The following TYW1B variants were observed in gnomAD, a reference collection of about 807,000 sequenced individuals.
The protein encoded by TYW1B is S-adenosyl-L-methionine-dependent tRNA 4-demethylwyosine synthase TYW1B.
A neutral mutation model predicts 86.9 loss-of-function variants in TYW1B; 73 were observed. The ratio of observed to expected loss-of-function variants is 0.84; its 90% CI spans 0.70 to 1.02. The LOEUF (loss-of-function observed/expected upper bound fraction) is 1.02, where lower values mean the gene tolerates loss of function less well. TYW1B is among the 50% of genes least tolerant of loss of function. The probability of loss-of-function intolerance (pLI) is 0.00; values close to 1 mark genes in which losing one functional copy is unlikely to be tolerated. For missense variants in TYW1B, 637 were observed against 827.4 expected, an observed-to-expected ratio of 0.77 and a Z score of 2.82; for synonymous variants, 248 against 292.8, an observed-to-expected ratio of 0.85 and a Z score of 1.56.
intron 13 of TYW1B, among the ~76,000 whole-genome samples, chr7:72,585,619 G>A (rs1282484974): frequency 6.6e-6 from 1 of 152,110 alleles, no homozygotes; most frequent in South Asian, 2.1e-4. Context: ...GGCCTTTCCT[G>A]TGCTATTCTG....
intron 6 of TYW1B, among the ~76,000 whole-genome samples, chr7:72,801,907 A>G (rs1310615291): frequency 6.6e-6 from 1 of 152,172 alleles, no homozygotes; most frequent in Non-Finnish European, 1.5e-5. Context: ...AATAAATCCT[A>G]TCATGCTGTT....
intron 7 of TYW1B, among the ~76,000 whole-genome samples, chr7:72,776,601 G>A (rs1326263663): frequency 7.9e-5 from 11 of 139,274 alleles, no homozygotes; most frequent in Non-Finnish European, 6.2e-5. Context: ...TAAAACCTTG[G>A]GCAACTATTA....
chr7:72,692,749 C>G (rs1316063891), intron 11 of TYW1B, among the ~76,000 whole-genome samples: 2 of 152,022 alleles, frequency 1.3e-5, no homozygotes, highest in African/African-American at 4.8e-5. Flanking sequence ...AGGAGGTGCA[C>G]AGAATTTCTA....
At chr7:72,669,278 C>A (rs1813538789) in intron 11 of TYW1B, among the ~76,000 whole-genome samples, 1 of 150,838 alleles carries the variant, frequency 6.6e-6, no homozygotes, top group African/African-American at 2.4e-5. Flanking sequence ...CCAAGTAGCT[C>A]AGATCACAGG....
At chr7:72,593,112 G>C (rs1158629008) in intron 13 of TYW1B, among the ~76,000 whole-genome samples, 1 of 151,914 alleles carries the variant, frequency 6.6e-6, no homozygotes, top group Non-Finnish European at 1.5e-5. Flanking sequence ...AGACCAGCCT[G>C]ACCAACCCCA....
At chr7:72,687,215 T>C (rs1328365395) in intron 11 of TYW1B, among the ~76,000 whole-genome samples, 1 of 152,004 alleles carries the variant, frequency 6.6e-6, no homozygotes, top group Non-Finnish European at 1.5e-5. Context: ...ATGGGTGGAT[T>C]ACTTGAAATC....
chr7:72,741,359 G>A (rs563665671), intron 8 of TYW1B, among the ~76,000 whole-genome samples: 1 of 152,162 alleles, frequency 6.6e-6, no homozygotes, highest in Middle Eastern at 3.4e-3. Context: ...TTCAACAGAA[G>A]ATTTGAACAG....
intron 6 of TYW1B, among the ~76,000 whole-genome samples, chr7:72,791,807 C>T (rs1486979292): frequency 1.3e-5 from 2 of 152,022 alleles, no homozygotes; most frequent in African/African-American, 4.8e-5. Context: ...AATGGAACTT[C>T]CCAGGCATTG....
At chr7:72,643,558 G>A (rs1554441722) in intron 11 of TYW1B, among the ~76,000 whole-genome samples, 1 of 151,646 alleles carries the variant, frequency 6.6e-6, no homozygotes, top group East Asian at 1.9e-4. Flanking sequence ...CTGCACTCCA[G>A]CCTGGGCAAC....
At chr7:72,741,223 G>T (rs542373928) in intron 8 of TYW1B, among the ~76,000 whole-genome samples, 1 of 152,078 alleles carries the variant, frequency 6.6e-6, no homozygotes, top group African/African-American at 2.4e-5. Context: ...ACAAAGAGAT[G>T]AAGGAAACCA....
At chr7:72,641,011 T>C (rs1230081509) in intron 11 of TYW1B, among the ~76,000 whole-genome samples, 1 of 152,114 alleles carries the variant, frequency 6.6e-6, no homozygotes, top group South Asian at 2.1e-4. Context: ...ATCAACTAAA[T>C]GGACCCTTAG....
chr7:72,703,590 C>T (rs1206768675), intron 10 of TYW1B, among the ~76,000 whole-genome samples: 1 of 151,944 alleles, frequency 6.6e-6, no homozygotes, highest in Non-Finnish European at 1.5e-5. Context: ...CGCGGTGGCT[C>T]ATGCCTGTAA....
chr7:72,823,888 C>A (rs1415774764), intron 2 of TYW1B, among the ~76,000 whole-genome samples: 1 of 152,122 alleles, frequency 6.6e-6, no homozygotes, highest in East Asian at 1.9e-4. Flanking sequence ...CTGGAGAGTA[C>A]ATTTCATTAT....
At chr7:72,768,271 C>T (rs1585969218) in intron 7 of TYW1B, among the ~76,000 whole-genome samples, 1 of 151,868 alleles carries the variant, frequency 6.6e-6, no homozygotes, top group South Asian at 2.1e-4. Context: ...AAAATGGCTT[C>T]TTCCATACAG....
intron 12 of TYW1B, among the ~76,000 whole-genome samples, chr7:72,627,455 AGTAACATAACATAACATAAC>A (rs1812373910): frequency 1.3e-5 from 1 of 74,312 alleles, no homozygotes. Context: ...CTCAAAAAAC[AGTAACATAACATAACATAAC>A]ATAACATAAC....
At chr7:72,730,743 G>C (rs1467341746) in intron 8 of TYW1B, among the ~76,000 whole-genome samples, 1 of 151,680 alleles carries the variant, frequency 6.6e-6, no homozygotes, top group African/African-American at 2.4e-5. Flanking sequence ...AAGCCTACAG[G>C]AATGATGGGA....
At chr7:72,720,152 A>G (rs536935740) in intron 9 of TYW1B, among the ~76,000 whole-genome samples, 1 of 152,284 alleles carries the variant, frequency 6.6e-6, no homozygotes, top group South Asian at 2.1e-4. Context: ...GGATTTTCAA[A>G]TGGATTGGAT....
chr7:72,782,496 C>T (rs1788065914), intron 6 of TYW1B, among the ~76,000 whole-genome samples: 1 of 152,032 alleles, frequency 6.6e-6, no homozygotes, highest in South Asian at 2.1e-4. Context: ...CTTACCAAAA[C>T]ATACATTTCT....
At chr7:72,700,610 G>C (rs1230972069) in intron 10 of TYW1B, among the ~76,000 whole-genome samples, 2 of 152,122 alleles carry the variant, frequency 1.3e-5, no homozygotes, top group Admixed American at 1.3e-4. Context: ...TTCTTGGTCA[G>C]TATTTGTTCA....
Sources: allele counts gnomAD v4.1 joint callset (sites outside exome capture counted in the v4.1 genomes callset), GRCh38; gene constraint gnomAD v4.1.1; transcripts MANE v1.5; gene names NCBI Gene and HGNC (gene_info 2026-07-23, HGNC 2026-07-21).